The following MAPRE2 variants were observed in gnomAD, a reference collection of about 807,000 sequenced individuals.
MAPRE2 encodes microtubule associated protein RP/EB family member 2, also known as microtubule-associated protein RP/EB family member 2.
In MAPRE2, 13 loss-of-function variants were observed where a neutral mutation model predicts 43.2. The observed-to-expected ratio is 0.30, with a 90% confidence interval of 0.20 to 0.48. MAPRE2 has a LOEUF of 0.48. MAPRE2 is among the 20% of genes least tolerant of loss of function. MAPRE2 has a pLI of 0.99. For missense variants in MAPRE2, 161 were observed against 400.2 expected, an observed-to-expected ratio of 0.40 and a Z score of 5.10; for synonymous variants, 135 against 148.8, an observed-to-expected ratio of 0.91 and a Z score of 0.68.
intron 2 of MAPRE2, among the ~76,000 whole-genome samples, chr18:35,095,418 T>C (rs1908371343): frequency 7.0e-6 from 1 of 143,630 alleles, no homozygotes; most frequent in African/African-American, 2.6e-5. Context: ...ACACACTCCT[T>C]TCCAAAGAGG....
At chr18:35,131,839 T>C (rs1910162345) in intron 5 of MAPRE2, 193 bp from the exon 6 acceptor site, 2 of 581,528 alleles carry the variant, frequency 3.4e-6, no homozygotes, top group Admixed American at 6.0e-5. Flanking sequence ...ACCAGAGTGC[T>C]GTGGAGAATT....
chr18:34,984,894 ATATATTTTATGTTATATAATATAT>A (rs1194349611), intron 1 of MAPRE2, among the ~76,000 whole-genome samples: 8 of 66,500 alleles, frequency 1.2e-4, no homozygotes, highest in African/African-American at 4.0e-4. Flanking sequence ...ATAATATATA[ATATATTTTATGTTATATAATATAT>A]AATATATTTT....
At chr18:35,037,628 A>T (rs982831185), upstream of MAPRE2, among the ~76,000 whole-genome samples, 1 of 151,914 alleles carries the variant, frequency 6.6e-6, no homozygotes, top group Non-Finnish European at 1.5e-5. Flanking sequence ...CAAAACCTAA[A>T]TCCACAGTCA....
intron 3 of MAPRE2, among the ~76,000 whole-genome samples, chr18:35,098,588 G>A (rs1177814055): frequency 2.0e-5 from 3 of 151,964 alleles, no homozygotes; most frequent in Non-Finnish European, 4.4e-5. Flanking sequence ...TTAGCCCTTT[G>A]GATTATTTCC....
intron 2 of MAPRE2, among the ~76,000 whole-genome samples, chr18:35,073,239 T>C (rs1907195191): frequency 6.6e-6 from 1 of 152,204 alleles, no homozygotes; most frequent in Non-Finnish European, 1.5e-5. Flanking sequence ...GTTCATAATT[T>C]AATCTGTGAC....
chr18:35,007,780 T>C lies in MAPRE2; in HGVS notation c.-8+2227T>C, dbSNP rs542834661. Among the ~76,000 whole-genome samples, 291 of 152,176 alleles carry C rather than the reference T, an allele frequency of 1.9e-3. 3 individuals are homozygous for C. Among genetic ancestry groups the C allele is most frequent in the Non-Finnish European group, 3.7e-3 (251 of 67,998 alleles). On this transcript the variant is annotated intron_variant, in intron 2 of 7. Coordinates refer to the MAPRE2 transcript ENST00000413393. The stretch of plus-strand genomic sequence containing the variant: ...TTCAGGAACTAGTACAGTTGACCCT[T>C]GAACAACATGGGTTTGAACTGCACG...
At chr18:34,985,252 TATAA>T in intron 1 of MAPRE2, among the ~76,000 whole-genome samples, 1 of 52,988 alleles carries the variant, frequency 1.9e-5, no homozygotes, top group African/African-American at 7.5e-5. Flanking sequence ...ATATAAAATA[TATAA>T]TATAATATAT....
At chr18:34,979,916 CA>C (rs2097015176) in intron 1 of MAPRE2, among the ~76,000 whole-genome samples, 1 of 152,022 alleles carries the variant, frequency 6.6e-6, no homozygotes, top group South Asian at 2.1e-4. Context: ...TTTCTTCTTT[CA>C]GTTTTAATAC....
chr18:35,016,928 C>A (rs1026232023), intron 2 of MAPRE2, among the ~76,000 whole-genome samples: 1 of 151,194 alleles, frequency 6.6e-6, no homozygotes, highest in Admixed American at 6.6e-5. Context: ...AGGATTCTTA[C>A]AAAGTCTTCA....
At chr18:35,098,090 G>A (rs758282295) in intron 3 of MAPRE2, among the ~76,000 whole-genome samples, 92 of 152,236 alleles carry the variant, frequency 6.0e-4, no homozygotes, top group Non-Finnish European at 1.1e-3. Flanking sequence ...TAGTGTGTGC[G>A]CTCAGATTCT....
chr18:35,096,937 A>C (rs1292513653), intron 2 of MAPRE2, among the ~76,000 whole-genome samples: 17 of 152,206 alleles, frequency 1.1e-4, no homozygotes, highest in Non-Finnish European at 1.5e-5. Flanking sequence ...TAAATACCAC[A>C]GCTATAGATA....
chr18:35,100,098 C>G (rs186506758), intron 3 of MAPRE2, among the ~76,000 whole-genome samples: 1 of 152,186 alleles, frequency 6.6e-6, no homozygotes, highest in South Asian at 2.1e-4. Context: ...CACATGCTTA[C>G]ACACTCACAC....
At chr18:35,003,343 T>TAA (rs1379096865) in intron 1 of MAPRE2, among the ~76,000 whole-genome samples, 2 of 152,234 alleles carry the variant, frequency 1.3e-5, no homozygotes, top group African/African-American at 4.8e-5. Context: ...AGAAAGGAGA[T>TAA]AGATACTGGT....
At chr18:35,030,341 G>T (rs1004404901) in intron 2 of MAPRE2, among the ~76,000 whole-genome samples, 1 of 152,114 alleles carries the variant, frequency 6.6e-6, no homozygotes, top group Non-Finnish European at 1.5e-5. Context: ...GCAACCATCA[G>T]CTATCTCATC....
chr18:35,116,844 A>G (rs190070814), intron 4 of MAPRE2, among the ~76,000 whole-genome samples: 1 of 152,330 alleles, frequency 6.6e-6, no homozygotes, highest in African/African-American at 2.4e-5. Flanking sequence ...CTATCATACA[A>G]AAGCATGAAC....
At chr18:35,002,129 T>C (rs528792272) in intron 1 of MAPRE2, among the ~76,000 whole-genome samples, 2 of 152,354 alleles carry the variant, frequency 1.3e-5, no homozygotes, top group African/African-American at 4.8e-5. Context: ...CAACCACTAA[T>C]CTGTGCTCCA....
intron 1 of MAPRE2, among the ~76,000 whole-genome samples, chr18:34,979,660 A>G (rs755459839): frequency 1.2e-4 from 18 of 152,234 alleles, no homozygotes; most frequent in Non-Finnish European, 2.1e-4. Context: ...TATGTAACAC[A>G]TAAATTTTGC....
chr18:35,139,137 T>C (rs534216179), intron 6 of MAPRE2, among the ~76,000 whole-genome samples: 2 of 152,288 alleles, frequency 1.3e-5, no homozygotes, highest in East Asian at 3.9e-4. Context: ...TCTGGCTCAG[T>C]GATCATGCCA....
intron 1 of MAPRE2, among the ~76,000 whole-genome samples, chr18:35,046,442 A>G (rs1219001256): frequency 1.3e-5 from 2 of 152,196 alleles, no homozygotes; most frequent in African/African-American, 4.8e-5. Flanking sequence ...ACTGAGAGAA[A>G]CCAGAAATTT....
Sources: gnomAD v4.1 joint callset for allele counts (sites outside exome capture counted in the v4.1 genomes callset) on GRCh38, gnomAD v4.1.1 for gene constraint, MANE v1.5 for transcripts, NCBI Gene and HGNC (gene_info 2026-07-23, HGNC 2026-07-21) for gene names.